Variants in PDGFC observed in about 807,000 individuals in gnomAD.
PDGFC encodes the protein platelet derived growth factor C.
Under a neutral mutation model 35.5 loss-of-function variants are expected in PDGFC, and 12 were observed. The observed-to-expected ratio is 0.34, with a 90% CI of 0.22 to 0.55. The LOEUF is 0.55. Among genes scored for constraint, PDGFC ranks in the 20% least tolerant of loss-of-function variants. The probability of loss-of-function intolerance (pLI) is 0.91; values close to 1 mark genes in which losing one functional copy is unlikely to be tolerated. For synonymous variants in PDGFC, 159 were observed against 148.8 expected (o/e 1.07, Z -0.50); for missense variants, 322 against 412.4 (o/e 0.78, Z 1.90).
intron 1 of PDGFC, among the ~76,000 whole-genome samples, chr4:156,875,772 G>A (rs1339177305): frequency 6.6e-6 from 1 of 152,118 alleles, no homozygotes; most frequent in Non-Finnish European, 1.5e-5. Flanking sequence ...ACAAAAATTA[G>A]TCAGGTGTGG....
chr4:156,831,800 C>T (rs997654375), intron 2 of PDGFC, among the ~76,000 whole-genome samples: 1 of 152,052 alleles, frequency 6.6e-6, no homozygotes, highest in Admixed American at 6.6e-5. Context: ...AACAAGGACA[C>T]TAGACTGTAT....
rs543589073 is a variant in PDGFC at position 156,906,599 on chromosome 4, A to G, written c.119-56183T>C. Among the ~76,000 whole-genome samples the G allele has an allele frequency of 2.0e-4, 31 of 152,242 alleles. No homozygotes were observed. The South Asian group carries it at 6.4e-3, about 32-fold the overall frequency. On this transcript the variant is annotated intron_variant, in intron 1 of 5. Transcript: ENST00000502773. Reference sequence around the variant, plus strand: ...AAGGTAGCTTAGGGGGACAGTTTTAAAAAAGATTTATGATGTACTTTTAAA... The same window carrying G: ...AAGGTAGCTTAGGGGGACAGTTTTAGAAAAGATTTATGATGTACTTTTAAA...
At chr4:156,864,573 A>G (rs563415686) in intron 1 of PDGFC, among the ~76,000 whole-genome samples, 1 of 152,236 alleles carries the variant, frequency 6.6e-6, no homozygotes, top group Non-Finnish European at 1.5e-5. Flanking sequence ...CCTCACCACA[A>G]TTCCAAGATG....
At chr4:156,884,000 C>T (rs933554303) in intron 1 of PDGFC, among the ~76,000 whole-genome samples, 3 of 152,056 alleles carry the variant, frequency 2.0e-5, no homozygotes, top group African/African-American at 7.2e-5. Context: ...TCAAAATGGG[C>T]CACTTAGAAT....
chr4:156,940,562 A>G (rs1731781450), intron 1 of PDGFC, among the ~76,000 whole-genome samples: 1 of 152,122 alleles, frequency 6.6e-6, no homozygotes, highest in Non-Finnish European at 1.5e-5. Flanking sequence ...GAGGCCCTCA[A>G]AGGAAGAGAT....
intron 2 of PDGFC, among the ~76,000 whole-genome samples, chr4:156,832,483 C>T (rs1052834224): frequency 1.3e-5 from 2 of 152,136 alleles, no homozygotes; most frequent in Non-Finnish European, 2.9e-5. Flanking sequence ...CCTCGAACTC[C>T]TGACCTCGTG....
chr4:156,935,618 T>G (rs1731660493), intron 1 of PDGFC, among the ~76,000 whole-genome samples: 1 of 152,196 alleles, frequency 6.6e-6, no homozygotes, highest in African/African-American at 2.4e-5. Context: ...CAAAACATGG[T>G]TATGCAGCAC....
intron 3 of PDGFC, among the ~76,000 whole-genome samples, chr4:156,798,232 C>T (rs1579015972): frequency 6.6e-6 from 1 of 152,048 alleles, no homozygotes; most frequent in South Asian, 2.1e-4. Flanking sequence ...ACAACAACAA[C>T]AAAAACCTTA....
intron 3 of PDGFC, among the ~76,000 whole-genome samples, chr4:156,782,452 T>C (rs955059691): frequency 2.6e-5 from 4 of 152,184 alleles, no homozygotes; most frequent in Non-Finnish European, 2.9e-5. Flanking sequence ...TAGCATGCCG[T>C]TCCTATTTCA....
chr4:156,948,785 G>C (rs1477471548), intron 1 of PDGFC, among the ~76,000 whole-genome samples: 1 of 151,636 alleles, frequency 6.6e-6, no homozygotes, highest in Admixed American at 6.6e-5. Context: ...TATTTATGGG[G>C]GCATACATAA....
chr4:156,870,608 C>A (rs542014024), intron 1 of PDGFC, among the ~76,000 whole-genome samples: 6 of 151,948 alleles, frequency 3.9e-5, no homozygotes, highest in Non-Finnish European at 8.8e-5. Context: ...ATTAATATTA[C>A]GAAGACACTT....
chr4:156,784,556 T>G (rs1210690424), intron 3 of PDGFC, among the ~76,000 whole-genome samples: 1 of 152,112 alleles, frequency 6.6e-6, no homozygotes, highest in Non-Finnish European at 1.5e-5. Flanking sequence ...CAAGTAGAAC[T>G]TTTTCATTAA....
chr4:156,905,947 T>C (rs887430221), intron 1 of PDGFC, among the ~76,000 whole-genome samples: 2 of 152,144 alleles, frequency 1.3e-5, no homozygotes, highest in Non-Finnish European at 2.9e-5. Flanking sequence ...AAGCCTGTTA[T>C]GTAAAGTGTC....
rs1390300493 is a variant in PDGFC, at chr4:156,824,305, TATATATATATATATATATATATAC to T, written c.315-13312_315-13289del. On this transcript the variant is annotated intron_variant, in intron 2 of 5. Coordinates refer to ENST00000502773, the MANE Select transcript of PDGFC (RefSeq NM_016205.3). The stretch of plus-strand genomic sequence containing the variant: ...GTAAGCATATATATATATATATATA[TATATATATATATATATATATATAC>T]ACACACACACACACACACACATATA... Among the ~76,000 whole-genome samples, 15 of 38,970 alleles carry T rather than the reference TATATATATATATATATATATATAC, an allele frequency of 3.8e-4. 2 individuals carry two copies. Among genetic ancestry groups the T allele is most frequent in the South Asian group, 1.5e-3 (1 of 670 alleles). The allele number at this position is 38,970 out of a possible 152,430, so 25.6% of individuals were successfully genotyped here. A position where few individuals can be genotyped will look rare whatever the true frequency, so the allele number is the denominator to read the frequency against.
chr4:156,948,391 G>A (rs1460565023), intron 1 of PDGFC, among the ~76,000 whole-genome samples: 4 of 151,864 alleles, frequency 2.6e-5, no homozygotes, highest in African/African-American at 9.7e-5. Flanking sequence ...TGCTGCGGCC[G>A]CTTTGACTAT....
chr4:156,947,649 A>C (rs1162142234), intron 1 of PDGFC, among the ~76,000 whole-genome samples: 1 of 152,056 alleles, frequency 6.6e-6, no homozygotes, highest in Non-Finnish European at 1.5e-5. Flanking sequence ...CAGCAAAAAG[A>C]GGTCTAAGAA....
chr4:156,774,754 G>C (rs1730781671), intron 3 of PDGFC, among the ~76,000 whole-genome samples: 1 of 151,008 alleles, frequency 6.6e-6, no homozygotes, highest in South Asian at 2.1e-4. Flanking sequence ...ACAATGTCTG[G>C]CCTCCTTCCT....
chr4:156,783,230 C>T (rs892399364), intron 3 of PDGFC, among the ~76,000 whole-genome samples: 1 of 152,082 alleles, frequency 6.6e-6, no homozygotes, highest in Admixed American at 6.6e-5. Flanking sequence ...GGTGAGGCTG[C>T]AGGAATGAAT....
chr4:156,850,165 T>A, intron 2 of PDGFC, 56 bp downstream of exon 2: 1 of 898,688 alleles, frequency 1.1e-6, no homozygotes, highest in Non-Finnish European at 1.6e-6. Context: ...AATTAAGCAA[T>A]TTGAAAGACT....
Sources: gnomAD v4.1 joint callset for allele counts (sites outside exome capture counted in the v4.1 genomes callset) on GRCh38, gnomAD v4.1.1 for gene constraint, MANE v1.5 for transcripts, NCBI Gene and HGNC (gene_info 2026-07-23, HGNC 2026-07-21) for gene names.